Variants in TNRC6B observed in about 807,000 individuals in gnomAD.
TNRC6B encodes trinucleotide repeat containing adaptor 6B.
Under a neutral mutation model 203.6 loss-of-function variants are expected in TNRC6B, and 52 were observed. That is an observed-to-expected ratio of 0.26 (90% CI 0.20 to 0.32). TNRC6B has a LOEUF of 0.32. Ranked by LOEUF, TNRC6B falls within the 10% of genes least tolerant of loss-of-function variation. The pLI, the probability that TNRC6B is intolerant of heterozygous loss-of-function variation, is 1.00. For synonymous variants in TNRC6B, 838 were observed against 845.7 expected, an observed-to-expected ratio of 0.99 and a Z score of 0.16; for missense variants, 1,923 against 2,286.2, an observed-to-expected ratio of 0.84 and a Z score of 3.24.
At chr22:40,195,566 A>T (rs2069326570) in intron 1 of TNRC6B, among the ~76,000 whole-genome samples, 1 of 150,084 alleles carries the variant, frequency 6.7e-6, no homozygotes, top group African/African-American at 2.5e-5. Context: ...GCCAAACAAT[A>T]CTCCTGGGTT....
chr22:40,283,233 T>G (rs2070740364), intron 11 of TNRC6B, among the ~76,000 whole-genome samples: 1 of 151,890 alleles, frequency 6.6e-6, no homozygotes. Context: ...AGAGATGGAG[T>G]TTCACCATGT....
chr22:40,108,977 C>A (rs1314148474), intron 1 of TNRC6B, among the ~76,000 whole-genome samples: 4 of 151,302 alleles, frequency 2.6e-5, no homozygotes, highest in African/African-American at 9.7e-5. Context: ...TGCTCCCCTC[C>A]CTGTGTCCAT....
Position 40,308,619 on chromosome 22 carries a change from G to A in TNRC6B, c.4228G>A (p.Ala1410Thr), listed in dbSNP as rs2071127682. 1 of 1,613,792 alleles carries A rather than the reference G, an allele frequency of 6.2e-7. No individual in the cohort carries two copies. Among genetic ancestry groups the A allele is most frequent in the Non-Finnish European group, 8.5e-7 (1 of 1,179,800 alleles). Residue 1410 changes from alanine (A) to threonine (T), a missense_variant, in exon 16 of 23, where the codon GCC becomes ACC. Ala to Thr is a moderately conservative substitution (Grantham distance 58). This residue lies in a region of TNRC6B where 242 missense variants were observed against 399.5 expected (regional missense o/e 0.61). Transcript: ENST00000454349. ...CATGATGGAGGGGCTGCCCTCTGTA[G>A]CCACACAGGAAGCCAATATGCACAA... ...TSMMEGLPSV[A>T]TQEANMHKNG...
At chr22:40,160,166 A>G (rs1470421272) in intron 4 of TNRC6B, among the ~76,000 whole-genome samples, 6 of 151,986 alleles carry the variant, frequency 3.9e-5, no homozygotes, top group Non-Finnish European at 8.8e-5. Context: ...TGGATATACT[A>G]CAGTCATTCT....
chr22:40,238,750 G>C (rs1747676137), intron 1 of TNRC6B, among the ~76,000 whole-genome samples: 2 of 152,202 alleles, frequency 1.3e-5, no homozygotes, highest in Admixed American at 1.3e-4. Flanking sequence ...CAGGTGAACT[G>C]TCTTCTCCTG....
chr22:40,126,237 A>G (rs979620844), intron 3 of TNRC6B, among the ~76,000 whole-genome samples: 1 of 152,126 alleles, frequency 6.6e-6, no homozygotes, highest in East Asian at 1.9e-4. Context: ...GTGTTTTTCT[A>G]TTACAAATTT....
Position 40,326,885 on chromosome 22 carries a change from A to G in TNRC6B, c.*3644A>G. 6.6e-6 allele frequency: 1 copy of G among 152,656 alleles called. No homozygotes were observed. Among genetic ancestry groups the G allele is most frequent in the East Asian group, 1.9e-4 (1 of 5,206 alleles). 9.5% of individuals were successfully genotyped at this position (152,656 alleles called of 1,614,324 possible). Reference sequence around the variant, plus strand: ...GGAGAAAATATAGAAGAATCTAATAAGGAACAAGTGATTTTACTTTTTTAG... The same window carrying G: ...GGAGAAAATATAGAAGAATCTAATAGGGAACAAGTGATTTTACTTTTTTAG... On this transcript the variant is annotated 3_prime_UTR_variant, in exon 23 of 23. Coordinates refer to ENST00000454349, the MANE Select transcript of TNRC6B (RefSeq NM_001162501.2).
At chr22:40,227,088 ATTATTATTATT>A (rs1226227276) in intron 1 of TNRC6B, among the ~76,000 whole-genome samples, 1 of 143,890 alleles carries the variant, frequency 6.9e-6, no homozygotes, top group Non-Finnish European at 1.5e-5. Context: ...TATTATTATT[ATTATTATTATT>A]ATTATTATTA....
intron 12 of TNRC6B, among the ~76,000 whole-genome samples, chr22:40,296,326 A>T (rs1014561821): frequency 4.8e-5 from 6 of 125,466 alleles, no homozygotes; most frequent in African/African-American, 9.2e-5. Context: ...AGAATGGTGA[A>T]TTTTTTTTTT....
At chr22:40,149,888 T>A (rs2068732970) in intron 3 of TNRC6B, among the ~76,000 whole-genome samples, 2 of 152,068 alleles carry the variant, frequency 1.3e-5, no homozygotes, top group Admixed American at 1.3e-4. Context: ...AGCCTTGAAA[T>A]CTTAGGCTTA....
chr22:40,248,079 A>G (rs914419256), intron 2 of TNRC6B, among the ~76,000 whole-genome samples: 1 of 149,682 alleles, frequency 6.7e-6, no homozygotes, highest in Non-Finnish European at 1.5e-5. Flanking sequence ...TGTGTCTAGA[A>G]AAAAAAAAAA....
intron 1 of TNRC6B, among the ~76,000 whole-genome samples, chr22:40,213,609 G>C (rs927624418): frequency 1.3e-5 from 2 of 152,184 alleles, no homozygotes; most frequent in African/African-American, 4.8e-5. Flanking sequence ...ACTGCATCAA[G>C]GGAGACATAA....
chr22:40,051,696 C>T (rs2067745985), intron 1 of TNRC6B, among the ~76,000 whole-genome samples: 1 of 152,138 alleles, frequency 6.6e-6, no homozygotes, highest in African/African-American at 2.4e-5. Context: ...AGTTTCTGGA[C>T]TAGCACTGTC....
At chr22:40,099,432 T>C (rs1378894514) in intron 1 of TNRC6B, among the ~76,000 whole-genome samples, 2 of 152,172 alleles carry the variant, frequency 1.3e-5, no homozygotes, top group Non-Finnish European at 2.9e-5. Context: ...GTGTCTTTTT[T>C]CCTTGACTAC....
chr22:40,255,470 A>G lies in TNRC6B; in HGVS notation c.115+4270A>G, dbSNP rs560749752. On this transcript the variant is annotated intron_variant, in intron 3 of 22. Coordinates refer to ENST00000454349, the MANE Select transcript of TNRC6B (RefSeq NM_001162501.2). Reference sequence around the variant, plus strand: ...ATATTGGAGGGGTCCCCTCCATTAAATAATTTATAAACTACTTACAGCACC... The same window carrying G: ...ATATTGGAGGGGTCCCCTCCATTAAGTAATTTATAAACTACTTACAGCACC... 1.4e-4 allele frequency among the ~76,000 whole-genome samples: 21 copies of G among 152,324 alleles called. No homozygotes were observed. In the South Asian group the frequency reaches 3.9e-3, roughly 29 times the overall value.
In TNRC6B at chr22:40,278,057, C is replaced by G. The variant is rs754137214; in HGVS notation, c.3262+13C>G. The G allele has an allele frequency of 3.4e-5, 53 of 1,556,276 alleles. No homozygotes were observed. The highest frequency in any genetic ancestry group is 4.4e-5 in the Non-Finnish European group (51 of 1,147,494). ...GATTTGTCTGTAGGTGTGTATCACT[C>G]CGCTGAAAAGAATGGAGTATATCAG... On this transcript the variant is annotated intron_variant, in intron 9 of 22. Coordinates refer to ENST00000454349, the MANE Select transcript of TNRC6B (RefSeq NM_001162501.2).
chr22:40,134,711 TAATA>T (rs1450431578), intron 3 of TNRC6B, among the ~76,000 whole-genome samples: 1 of 152,190 alleles, frequency 6.6e-6, no homozygotes, highest in African/African-American at 2.4e-5. Flanking sequence ...ACTTAAAGTT[TAATA>T]AATAAATAAT....
intron 1 of TNRC6B, among the ~76,000 whole-genome samples, chr22:40,213,421 G>T (rs951818961): frequency 9.2e-5 from 14 of 152,130 alleles, no homozygotes; most frequent in African/African-American, 3.1e-4. Context: ...TGGACCTGAA[G>T]GGGCTGGAGA....
chr22:40,052,259 A>G (rs543400332), intron 1 of TNRC6B, among the ~76,000 whole-genome samples: 58 of 152,196 alleles, frequency 3.8e-4, no homozygotes, highest in African/African-American at 1.3e-3. Flanking sequence ...TTTTTTTCAT[A>G]TAGTGATTAC....
Sources: gnomAD v4.1 joint callset for allele counts (sites outside exome capture counted in the v4.1 genomes callset) on GRCh38, gnomAD v4.1.1 for gene constraint, gnomAD v4.1.1 regional missense constraint, MANE v1.5 for transcripts, NCBI Gene and HGNC (gene_info 2026-07-23, HGNC 2026-07-21) for gene names.